The following CCN4 variants were observed in gnomAD, a reference collection of about 807,000 sequenced individuals.
CCN4 encodes cellular communication network factor 4.
In CCN4, 30 loss-of-function variants were observed where a neutral mutation model predicts 36.7. The observed-to-expected ratio is 0.82, with a 90% confidence interval of 0.61 to 1.11. The LOEUF is 1.11. CCN4 is among the 50% of genes least tolerant of loss of function. CCN4 has a pLI of 0.00. For missense variants in CCN4, 505 were observed against 504.9 expected, an observed-to-expected ratio of 1.00 and a Z score of 0.00; for synonymous variants, 191 against 195.4, an observed-to-expected ratio of 0.98 and a Z score of 0.19.
In CCN4 at chr8:133,192,524, A is replaced by G. The variant is rs531729202; in HGVS notation, c.69+1311A>G. Among the ~76,000 whole-genome samples, 3 of 152,356 alleles carry G rather than the reference A, an allele frequency of 2.0e-5. No individual in the cohort carries two copies. In the East Asian group the frequency reaches 5.8e-4, roughly 29 times the overall value. On this transcript the variant is annotated intron_variant, in intron 1 of 4. Transcript: ENST00000250160. ...GGACTTGCCCAGGAGCTCCTCATTA[A>G]TAAGTGGCCAGGGCCCAAACTTAGA...
At chr8:133,196,143 TCA>T (rs1853374868) in intron 1 of CCN4, among the ~76,000 whole-genome samples, 1 of 152,186 alleles carries the variant, frequency 6.6e-6, no homozygotes, top group Non-Finnish European at 1.5e-5. Context: ...TGGCAAGGGT[TCA>T]CACTGAGCAT....
rs2977546 is a variant in CCN4 at position 133,224,221 on chromosome 8, C to A, written c.611-1169C>A. On this transcript the variant is annotated intron_variant, in intron 3 of 4. Coordinates refer to ENST00000250160, the MANE Select transcript of CCN4 (RefSeq NM_003882.4). ...ACCCTGGTGATTTGAATTTGAAGCCCGTAAGTCCTTTTTTTTTTTTTTTTT... is the reference window on the plus strand; with the variant it reads ...ACCCTGGTGATTTGAATTTGAAGCCAGTAAGTCCTTTTTTTTTTTTTTTTT... Among the ~76,000 whole-genome samples the A allele has an allele frequency of 1.5e-5, 2 of 132,604 alleles. 1 individual carries two copies. Among genetic ancestry groups the A allele is most frequent in the Non-Finnish European group, 3.2e-5 (2 of 62,662 alleles). The allele number at this position is 132,604 out of a possible 152,430, so 87.0% of individuals were successfully genotyped here. A position where few individuals can be genotyped will look rare whatever the true frequency, so the allele number is the denominator to read the frequency against.
chr8:133,211,246 A>G (rs1854017485), intron 1 of CCN4, among the ~76,000 whole-genome samples: 1 of 152,156 alleles, frequency 6.6e-6, no homozygotes, highest in East Asian at 1.9e-4. Context: ...AAATCCCTCG[A>G]GTTGCAGTAA....
chr8:133,216,157 G>T (rs1293113004), intron 2 of CCN4, among the ~76,000 whole-genome samples: 2 of 152,106 alleles, frequency 1.3e-5, no homozygotes, highest in Non-Finnish European at 2.9e-5. Flanking sequence ...AGAGAGTGTG[G>T]GGTCTGCAAA....
At chr8:133,200,063 T>C (rs972819002) in intron 1 of CCN4, among the ~76,000 whole-genome samples, 1 of 152,174 alleles carries the variant, frequency 6.6e-6, no homozygotes, top group African/African-American at 2.4e-5. Flanking sequence ...GTCAGTCCCT[T>C]AGGCCAGTTC....
At chr8:133,213,212 C>T (rs955274118) in intron 2 of CCN4, 69 bp downstream of exon 2, 1 of 1,525,998 alleles carries the variant, frequency 6.6e-7, no homozygotes, top group African/African-American at 1.4e-5. Flanking sequence ...AACCCCTCTC[C>T]CTTGGCACCC....
At chr8:133,212,564 G>T (rs1243825186) in intron 1 of CCN4, among the ~76,000 whole-genome samples, 6 of 152,074 alleles carry the variant, frequency 3.9e-5, no homozygotes, top group Non-Finnish European at 7.4e-5. Flanking sequence ...TTACCTCGGG[G>T]CTGCAGCGAC....
At chr8:133,191,684 T>G (rs1012534462) in intron 1 of CCN4, among the ~76,000 whole-genome samples, 1 of 151,960 alleles carries the variant, frequency 6.6e-6, no homozygotes, top group Admixed American at 6.6e-5. Context: ...AGATGGGAGA[T>G]GGAAAAAGCC....
chr8:133,208,131 G>A (rs1234020500), intron 1 of CCN4, among the ~76,000 whole-genome samples: 1 of 151,852 alleles, frequency 6.6e-6, no homozygotes, highest in Non-Finnish European at 1.5e-5. Context: ...TTACTGATCT[G>A]TTAAATGGGA....
rs56318195 is a variant in CCN4, at chr8:133,217,936, C to CCACACACACACACGCACACA, written c.350-2632_350-2631insGCACACACACACACACACAC. ...TTCCGGGCTTAGCCCACTCCCTTCT[C>CCACACACACACACGCACACA]CACACACACACACACACACACACAC... On this transcript the variant is annotated intron_variant, in intron 2 of 4. Transcript: ENST00000250160. 2.9e-3 allele frequency among the ~76,000 whole-genome samples: 422 copies of CCACACACACACACGCACACA among 144,314 alleles called. 2 individuals carry two copies. Among genetic ancestry groups the CCACACACACACACGCACACA allele is most frequent in the Middle Eastern group, 0.027 (8 of 294 alleles). 94.7% of individuals were successfully genotyped at this position (144,314 alleles called of 152,430 possible).
rs533314605 is a variant in CCN4 at position 133,191,422 on chromosome 8, T to C, written c.69+209T>C. The stretch of plus-strand genomic sequence containing the variant: ...CAGGGTGAGGAGGACGGTGCGACAC[T>C]TGGGGAAACAAACTGCACAGGTCCA... On this transcript the variant is annotated intron_variant, in intron 1 of 4. Coordinates refer to ENST00000250160, the MANE Select transcript of CCN4 (RefSeq NM_003882.4). Among the ~76,000 whole-genome samples the C allele has an allele frequency of 1.4e-3, 218 of 152,244 alleles. 2 individuals carry two copies. Among genetic ancestry groups the C allele is most frequent in the Non-Finnish European group, 2.4e-3 (162 of 67,994 alleles).
chr8:133,196,269 A>C (rs1853379589), intron 1 of CCN4, among the ~76,000 whole-genome samples: 1 of 152,220 alleles, frequency 6.6e-6, no homozygotes, highest in South Asian at 2.1e-4. Context: ...GCCACTCAGC[A>C]CTTGAAATGA....
chr8:133,192,572 C>G (rs1588175347), intron 1 of CCN4, among the ~76,000 whole-genome samples: 1 of 152,230 alleles, frequency 6.6e-6, no homozygotes, highest in South Asian at 2.1e-4. Context: ...AATTTCTAAC[C>G]ATTCCTACTT....
intron 2 of CCN4, among the ~76,000 whole-genome samples, chr8:133,220,175 G>A (rs1278720400): frequency 2.0e-5 from 3 of 151,352 alleles, no homozygotes; most frequent in East Asian, 2.1e-4. Context: ...AATGGAACAC[G>A]TGTTTCGAAG....
intron 1 of CCN4, among the ~76,000 whole-genome samples, chr8:133,202,667 T>C (rs933607400): frequency 2.6e-5 from 4 of 152,208 alleles, no homozygotes; most frequent in Admixed American, 2.0e-4. Flanking sequence ...TGGGAGTTTC[T>C]GGGCAGTGCG....
intron 3 of CCN4, among the ~76,000 whole-genome samples, chr8:133,221,548 TGATG>T (rs1020298693): frequency 2.6e-5 from 4 of 151,674 alleles, no homozygotes; most frequent in Non-Finnish European, 4.4e-5. Context: ...AATAGGTGGA[TGATG>T]GATGGATGGA....
In CCN4 at chr8:133,228,615, T is replaced by C. The variant is rs1247927067; in HGVS notation, c.*905T>C. The C allele has an allele frequency of 6.6e-6, 1 of 152,174 alleles. No individual in the cohort carries two copies. Among genetic ancestry groups the C allele is most frequent in the Admixed American group, 6.5e-5 (1 of 15,270 alleles). 9.4% of individuals were successfully genotyped at this position (152,174 alleles called of 1,614,324 possible). On this transcript the variant is annotated 3_prime_UTR_variant, in exon 5 of 5. Transcript: ENST00000250160. Reference sequence around the variant, plus strand: ...TGGCCTGTCTGGCCCCTGAGAGTGGTGCCCTGGAACACTCCTCTACTCTTA... The same window carrying C: ...TGGCCTGTCTGGCCCCTGAGAGTGGCGCCCTGGAACACTCCTCTACTCTTA...
Position 133,225,353 on chromosome 8 carries a change from G to A in CCN4, c.611-37G>A, listed in dbSNP as rs200297189. 2,096 of 1,539,716 alleles carry A rather than the reference G, an allele frequency of 1.4e-3. 3 individuals carry two copies. The highest frequency in any genetic ancestry group is 1.4e-3 in the Non-Finnish European group (1,643 of 1,136,906). ...AAGTGAGGGTTGGGGGCTGGTGGGA[G>A]CTGTAGATTCATGCAGATTCTGTTC... On this transcript the variant is annotated intron_variant, in intron 3 of 4. Coordinates refer to ENST00000250160, the MANE Select transcript of CCN4 (RefSeq NM_003882.4).
chr8:133,216,617 T>C (rs758712983), intron 2 of CCN4, among the ~76,000 whole-genome samples: 1 of 152,236 alleles, frequency 6.6e-6, no homozygotes, highest in South Asian at 2.1e-4. Flanking sequence ...ACCTCTGAGT[T>C]ACATCATTTG....
Sources: gnomAD v4.1 joint callset for allele counts (sites outside exome capture counted in the v4.1 genomes callset) on GRCh38, gnomAD v4.1.1 for gene constraint, MANE v1.5 for transcripts, NCBI Gene and HGNC (gene_info 2026-07-23, HGNC 2026-07-21) for gene names.